Variants in SNX21 observed in about 807,000 individuals in gnomAD.
The protein encoded by SNX21 is sorting nexin-21.
A neutral mutation model predicts 30.9 loss-of-function variants in SNX21; 36 were observed. The observed-to-expected ratio is 1.16, with a 90% CI of 0.89 to 1.54. SNX21 has a LOEUF of 1.54. Among genes scored for constraint, SNX21 ranks in the 40% most tolerant of loss-of-function variants. The pLI, the probability that SNX21 is intolerant of heterozygous loss-of-function variation, is 0.00. For missense variants in SNX21, 508 were observed against 516.5 expected (o/e 0.98, Z 0.16); for synonymous variants, 218 against 222.7 (o/e 0.98, Z 0.19).
chr20:45,835,866 TG>T (rs1983481845), intron 3 of SNX21, among the ~76,000 whole-genome samples: 1 of 152,198 alleles, frequency 6.6e-6, no homozygotes, highest in Admixed American at 6.5e-5. Context: ...GGGAGGACCT[TG>T]GAGTCCCTTG....
intron 3 of SNX21, among the ~76,000 whole-genome samples, chr20:45,838,614 TGTG>T (rs1983742264): frequency 6.6e-6 from 1 of 151,542 alleles, no homozygotes; most frequent in Non-Finnish European, 1.5e-5. Context: ...ATTAGCCGGA[TGTG>T]GTGGTAGGCG....
At chr20:45,835,441 T>G (rs1444511566) in intron 3 of SNX21, among the ~76,000 whole-genome samples, 1 of 152,160 alleles carries the variant, frequency 6.6e-6, no homozygotes, top group Admixed American at 6.6e-5. Flanking sequence ...GAGACAGATG[T>G]TATCTGGGTC....
chr20:45,839,319 TC>T (rs1198212705), intron 3 of SNX21, among the ~76,000 whole-genome samples: 14 of 151,922 alleles, frequency 9.2e-5, no homozygotes, highest in Non-Finnish European at 1.0e-4. Context: ...ATCGAGACCA[TC>T]CTGGCTAACA....
At chr20:45,834,717 G>C (rs1983366960) in intron 2 of SNX21, 3 of 654,602 alleles carry the variant, frequency 4.6e-6, no homozygotes, top group Non-Finnish European at 7.6e-6. Context: ...AAATGTACAG[G>C]GCTTGGGATC....
At position 45,835,017 on chromosome 20, in the gene SNX21, G is replaced by A; in HGVS notation, c.348G>A (p.Gln116=). ...WGSQLLARQL[Q]DFWKKSRNTL... ...GTCAGCTCCTGGCGCGGCAGCTGCA[G>A]GATTTCTGGAAGAAGTCCCGGAACA... Residue 116 remains glutamine, a synonymous_variant, in exon 3 of 4, where the codon CAG becomes CAA. Coordinates refer to ENST00000491381, the MANE Select transcript of SNX21 (RefSeq NM_033421.4). 2.5e-6 allele frequency: 4 copies of A among 1,614,210 alleles called. No homozygotes were observed. The highest frequency in any genetic ancestry group is 3.4e-6 in the Non-Finnish European group (4 of 1,180,042).
Position 45,842,508 on chromosome 20 carries a change from G to C in SNX21, c.*1195G>C. 9.8e-7 allele frequency: 1 copy of C among 1,018,546 alleles called. No homozygotes were observed. The highest frequency in any genetic ancestry group is 1.7e-5 in the African/African-American group (1 of 58,078). The allele number at this position is 1,018,546 out of a possible 1,614,324, so 63.1% of individuals were successfully genotyped here. On this transcript the variant is annotated 3_prime_UTR_variant, in exon 4 of 4. Coordinates refer to ENST00000491381, the MANE Select transcript of SNX21 (RefSeq NM_033421.4). Reference sequence around the variant, plus strand: ...ATATCCCCACTACCACCACCAAGGGGAAGAAAGGACTCAGAAGAGAGGACT... The same window carrying C: ...ATATCCCCACTACCACCACCAAGGGCAAGAAAGGACTCAGAAGAGAGGACT...
rs1984274458 is a variant in SNX21 at position 45,842,376 on chromosome 20, G to A, written c.*1063G>A. On this transcript the variant is annotated 3_prime_UTR_variant, in exon 4 of 4. Coordinates refer to ENST00000491381, the MANE Select transcript of SNX21 (RefSeq NM_033421.4). ...GCTCTGAGAACAGTCTCCTTCAACAGCTCGGCCAAGCAGAACTGCTGTACC... is the reference window on the plus strand; with the variant it reads ...GCTCTGAGAACAGTCTCCTTCAACAACTCGGCCAAGCAGAACTGCTGTACC... The A allele has an allele frequency of 7.8e-7, 1 of 1,288,858 alleles. No homozygotes were observed. The highest frequency in any genetic ancestry group is 2.0e-5 in the South Asian group (1 of 49,388). 79.8% of individuals were successfully genotyped at this position (1,288,858 alleles called of 1,614,324 possible). A position where few individuals can be genotyped will look rare whatever the true frequency, so the allele number is the denominator to read the frequency against.
intron 3 of SNX21, chr20:45,840,039 C>T (rs1417051676): frequency 3.3e-6 from 2 of 601,380 alleles, no homozygotes; most frequent in Non-Finnish European, 4.2e-6. Flanking sequence ...TGACCGAGCA[C>T]TTCCTTCACT....
chr20:45,840,088 G>A (rs1256780574), intron 3 of SNX21: 3 of 959,208 alleles, frequency 3.1e-6, no homozygotes, highest in Non-Finnish European at 3.7e-6. Context: ...TCCCTTGCCT[G>A]GGTCACACAG....
intron 3 of SNX21, 113 bp from the exon 4 acceptor site, chr20:45,840,526 G>T: frequency 6.2e-7 from 1 of 1,613,522 alleles, no homozygotes; most frequent in Non-Finnish European, 8.5e-7. Context: ...TGTCCCAGGG[G>T]TGAAAGGAAG....
rs1983416071 is a variant in SNX21, at chr20:45,835,099, C to T, written c.430C>T (p.Pro144Ser). ...GACCAGCGCTAACGTTGTCAAGGAC[C>T]CGCCCTCCAAGTACGTGGTGAGTGA... Reference protein sequence around the residue: ...EVTSANVVKDPPSKYVLYTLA... With the variant: ...EVTSANVVKDSPSKYVLYTLA... Residue 144 changes from proline to serine, a missense_variant, in exon 3 of 4, where the codon CCG (proline) becomes TCG (serine). Transcript: ENST00000491381. 1.2e-6 allele frequency: 2 copies of T among 1,613,410 alleles called. No individual in the cohort carries two copies. The highest frequency in any genetic ancestry group is 2.2e-5 in the South Asian group (2 of 91,030).
intron 3 of SNX21, among the ~76,000 whole-genome samples, chr20:45,835,771 G>A (rs1363767620): frequency 1.3e-5 from 2 of 152,170 alleles, no homozygotes; most frequent in African/African-American, 4.8e-5. Flanking sequence ...ATAACGCACA[G>A]GTCAATCAGT....
In SNX21 at chr20:45,836,893, G is replaced by C. The variant is rs536156978; in HGVS notation, c.447+1777G>C. On this transcript the variant is annotated intron_variant, in intron 3 of 3. Transcript: ENST00000491381. The stretch of plus-strand genomic sequence containing the variant: ...GACCCTAATTCCCCACTCAACTTGT[G>C]GGGGTGAAGAGCACAGGCTTTGGAA... Among the ~76,000 whole-genome samples, 15 of 152,284 alleles carry C rather than the reference G, an allele frequency of 9.9e-5. No homozygotes were observed. The East Asian group carries it at 2.7e-3, about 27-fold the overall frequency.
Position 45,834,130 on chromosome 20 carries a change from T to C in SNX21, c.22-71T>C. 3 of 1,413,556 alleles carry C rather than the reference T, an allele frequency of 2.1e-6. No individual in the cohort carries two copies. The South Asian group carries it at 4.6e-5, about 22-fold the overall frequency. The allele number at this position is 1,413,556 out of a possible 1,614,324, so 87.6% of individuals were successfully genotyped here. On this transcript the variant is annotated intron_variant, in intron 1 of 3. Coordinates refer to ENST00000491381, the MANE Select transcript of SNX21 (RefSeq NM_033421.4). ...CCCTCTCCGGTTCGGGCCCCGCCCC[T>C]CCTCCTCCTGCGCCGGGCTGGGGTA... is the stretch of plus-strand genomic sequence containing the variant.
chr20:45,838,631 G>A (rs944823590), intron 3 of SNX21, among the ~76,000 whole-genome samples: 3 of 151,952 alleles, frequency 2.0e-5, no homozygotes, highest in African/African-American at 4.8e-5. Context: ...GTAGGCGCCT[G>A]TAATCCCAGC....
chr20:45,836,627 A>C (rs929643994), intron 3 of SNX21, among the ~76,000 whole-genome samples: 1 of 152,048 alleles, frequency 6.6e-6, no homozygotes, highest in Non-Finnish European at 1.5e-5. Context: ...CAGCCTCCCA[A>C]GTAGCTAGGA....
At position 45,833,912 on chromosome 20, in the gene SNX21, G is replaced by T; in HGVS notation, c.-8G>T. 7.2e-7 allele frequency: 1 copy of T among 1,386,130 alleles called. No homozygotes were observed. The highest frequency in any genetic ancestry group is 1.7e-5 in the South Asian group (1 of 57,990). The allele number at this position is 1,386,130 out of a possible 1,614,324, so 85.9% of individuals were successfully genotyped here. A position where few individuals can be genotyped will look rare whatever the true frequency, so the allele number is the denominator to read the frequency against. On this transcript the variant is annotated 5_prime_UTR_variant, in exon 1 of 4. Transcript: ENST00000491381. The stretch of plus-strand genomic sequence containing the variant: ...CACCCGGACCCCTGGGGCGCGGCGC[G>T]CCCCTGAATGCACCGTGGGACGCAG...
At position 45,840,722 on chromosome 20, in the gene SNX21, G is replaced by C; in HGVS notation, c.531G>C (p.Arg177=). ...CTCGCCGTTACTCGGACTTTGAGCG[G>C]CTGCACCGAAACCTGCAGCGGCAAT... ...QISRRYSDFE[R]LHRNLQRQFR... Residue 177 remains arginine, a synonymous_variant, in exon 4 of 4, where the codon CGG becomes CGC. Coordinates refer to ENST00000491381, the MANE Select transcript of SNX21 (RefSeq NM_033421.4). The C allele has an allele frequency of 6.2e-7, 1 of 1,614,206 alleles. No homozygotes were observed. Among genetic ancestry groups the C allele is most frequent in the East Asian group, 2.2e-5 (1 of 44,880 alleles).
rs369646224 is a variant in SNX21 at position 45,839,379 on chromosome 20, A to G, written c.448-1260A>G. Among the ~76,000 whole-genome samples the G allele has an allele frequency of 5.1e-3, 780 of 151,996 alleles. 7 individuals are homozygous for G. Among genetic ancestry groups the G allele is most frequent in the African/African-American group, 0.018 (736 of 41,494 alleles). ...AAAATACAAAAAATTAGCCGGGCGT[A>G]GTGGCAGGCGCCTGTAGTCCCAGCT... On this transcript the variant is annotated intron_variant, in intron 3 of 3. Transcript: ENST00000491381.
Sources: gnomAD v4.1 joint callset for allele counts (sites outside exome capture counted in the v4.1 genomes callset) on GRCh38, gnomAD v4.1.1 for gene constraint, MANE v1.5 for transcripts, NCBI Gene and HGNC (gene_info 2026-07-23, HGNC 2026-07-21) for gene names.